RNMT: variants seen among roughly 807,000 people sequenced by gnomAD.
The protein encoded by RNMT is mRNA cap guanine-N(7) methyltransferase.
In RNMT, 27 loss-of-function variants were observed where a neutral mutation model predicts 56.0. That is an observed-to-expected ratio of 0.48 (90% CI 0.36 to 0.67). The LOEUF (loss-of-function observed/expected upper bound fraction) is 0.67. Ranked by LOEUF, RNMT falls within the 30% of genes least tolerant of loss-of-function variation. The pLI, the probability that RNMT is intolerant of heterozygous loss-of-function variation, is 0.00. For synonymous variants in RNMT, 184 were observed against 176.2 expected, an observed-to-expected ratio of 1.04 and a Z score of -0.35; for missense variants, 519 against 552.1, an observed-to-expected ratio of 0.94 and a Z score of 0.60.
intron 3 of RNMT, among the ~76,000 whole-genome samples, chr18:13,733,449 C>T (rs757954269): frequency 2.5e-4 from 38 of 152,118 alleles, no homozygotes; most frequent in Non-Finnish European, 4.4e-4. Flanking sequence ...CCGATCTCGG[C>T]TCACTGCAAC....
At chr18:13,744,999 A>G (rs1317560940) in intron 8 of RNMT, among the ~76,000 whole-genome samples, 2 of 152,210 alleles carry the variant, frequency 1.3e-5, no homozygotes, top group Non-Finnish European at 2.9e-5. Flanking sequence ...TAAAGGATGG[A>G]AAAGTAGGTG....
intron 9 of RNMT, among the ~76,000 whole-genome samples, chr18:13,751,560 G>A (rs1055329116): frequency 5.3e-5 from 8 of 152,198 alleles, no homozygotes; most frequent in African/African-American, 9.6e-5. Context: ...ACAATGTGGC[G>A]ATTCCTCAAG....
rs1219975879 is a variant in RNMT at position 13,752,378 on chromosome 18, A to G, written c.1310A>G (p.Tyr437Cys). Residue 437 changes from tyrosine (Y) to cysteine (C), a missense_variant, in exon 10 of 12, where the codon TAT (tyrosine) becomes TGT (cysteine). Tyr to Cys is a radical substitution (Grantham distance 194, BLOSUM62 -2). Transcript: ENST00000383314. ...SKLVSEKVDD[Y>C]EHAAKYMKNS... The stretch of plus-strand genomic sequence containing the variant: ...CTTGTCTCTGAGAAGGTGGATGACT[A>G]TGAACATGCAGCAAAGTACATGAAG... 3.7e-6 allele frequency: 6 copies of G among 1,613,472 alleles called. No individual in the cohort carries two copies. The highest frequency in any genetic ancestry group is 5.1e-6 in the Non-Finnish European group (6 of 1,179,484).
In RNMT at chr18:13,746,343, T is replaced by G; in HGVS notation, c.1257+6T>G. ...AACGAATGCAGGCCTTGGAGGTGAGTATTTAGAAAAGATGTACAAATTTCA... is the reference window on the plus strand; with the variant it reads ...AACGAATGCAGGCCTTGGAGGTGAGGATTTAGAAAAGATGTACAAATTTCA... On this transcript the variant is annotated splice_donor_region_variant and intron_variant, in intron 9 of 11. Coordinates refer to ENST00000383314, the MANE Select transcript of RNMT (RefSeq NM_003799.3). 9.2e-5 allele frequency: 120 copies of G among 1,305,120 alleles called. No homozygotes were observed. Among genetic ancestry groups the G allele is most frequent in the Non-Finnish European group, 1.2e-4 (108 of 912,290 alleles). 80.8% of individuals were successfully genotyped at this position (1,305,120 alleles called of 1,614,324 possible). A position where few individuals can be genotyped will look rare whatever the true frequency, so the allele number is the denominator to read the frequency against.
chr18:13,752,500 T>C, intron 10 of RNMT, 73 bp downstream of exon 10: 1 of 906,298 alleles, frequency 1.1e-6, no homozygotes, highest in Non-Finnish European at 1.7e-6. Context: ...ACATAGGAAA[T>C]GATTTCACTT....
intron 7 of RNMT, 134 bp from the exon 8 acceptor site, chr18:13,742,352 AAG>A: frequency 2.8e-6 from 2 of 706,170 alleles, no homozygotes; most frequent in Middle Eastern, 4.3e-4. Flanking sequence ...AAAAAAAAAA[AAG>A]GTAGCCCAGA....
intron 11 of RNMT, among the ~76,000 whole-genome samples, chr18:13,758,910 ATTG>A (rs776754341): frequency 2.6e-4 from 40 of 152,016 alleles, no homozygotes; most frequent in South Asian, 4.2e-4. Context: ...TTATTTCAAT[ATTG>A]TTGTATCTCC....
At position 13,731,754 on chromosome 18, in the gene RNMT, C is replaced by T. The variant is rs1292074916; in HGVS notation, c.237C>T (p.Ser79=). 1 of 1,612,824 alleles carries T rather than the reference C, an allele frequency of 6.2e-7. No individual in the cohort carries two copies. The highest frequency in any genetic ancestry group is 1.7e-5 in the Admixed American group (1 of 59,716). The change falls in exon 3 of 12, where the codon TCC becomes TCT. Residue 79 remains serine, a synonymous_variant. Transcript: ENST00000383314. The part of the protein sequence containing the change: ...ESSSCGKDTP[S]KKRKLDPEIV... ...CTAGTTGTGGGAAAGACACTCCATC[C>T]AAGAAGAGAAAACTTGATCCTGAAA...
At chr18:13,739,960 C>T (rs8097240) in intron 5 of RNMT, among the ~76,000 whole-genome samples, 38,563 of 151,982 alleles carry the variant, frequency 0.25, 5,627 homozygotes, top group Non-Finnish European at 0.34. Context: ...TTATAGCGTC[C>T]GTACCTATTG....
At chr18:13,726,961 TGGGAGAAGCAGC>T (rs2043966069) in intron 1 of RNMT, 1 of 151,774 alleles carries the variant, frequency 6.6e-6, no homozygotes, top group Admixed American at 6.6e-5. Context: ...CGAGCCCGGG[TGGGAGAAGCAGC>T]TCGAAGAGCT....
intron 8 of RNMT, 141 bp downstream of exon 8, chr18:13,742,793 T>TA (rs1452458231): frequency 2.5e-5 from 16 of 637,240 alleles, no homozygotes; most frequent in African/African-American, 1.5e-4. Flanking sequence ...TTTTGTGTTT[T>TA]TAAAAAAAAA....
At chr18:13,737,497 C>T (rs987923394) in intron 5 of RNMT, among the ~76,000 whole-genome samples, 1 of 151,714 alleles carries the variant, frequency 6.6e-6, no homozygotes, top group Non-Finnish European at 1.5e-5. Flanking sequence ...AAGACAAGAT[C>T]GCACCACTGC....
rs1361131369 is a variant in RNMT, at chr18:13,763,345, T to C, written c.*3366T>C. On this transcript the variant is annotated 3_prime_UTR_variant, in exon 12 of 12. Transcript: ENST00000383314. ...GTCAGTTCTTCCCTCCCTCTCGTGC[T>C]GCTCAGTTTGTCCTCTGCTCCCATG... 1 of 337,246 alleles carries C rather than the reference T, an allele frequency of 3.0e-6. No homozygotes were observed. Among genetic ancestry groups the C allele is most frequent in the African/African-American group, 2.1e-5 (1 of 46,738 alleles). 20.9% of individuals were successfully genotyped at this position (337,246 alleles called of 1,614,324 possible).
At chr18:13,752,182 A>AT (rs1346519750) in intron 9 of RNMT, 144 bp from the exon 10 acceptor site, 3 of 574,776 alleles carry the variant, frequency 5.2e-6, no homozygotes, top group African/African-American at 1.9e-5. Context: ...TTTTTTCTGT[A>AT]TTTCAAAAGT....
intron 8 of RNMT, chr18:13,742,913 A>G: frequency 2.7e-5 from 7 of 255,668 alleles, no homozygotes; most frequent in East Asian, 7.8e-5. Context: ...TGGGTGAAAA[A>G]GGGAACCAGT....
chr18:13,744,159 CTTTTTTTTTT>C lies in RNMT; in HGVS notation c.1139+1524_1139+1533del, dbSNP rs201093998. ...ATGCTAAACAAGACCTAGCGGTCTTCTTTTTTTTTTTTTTTTTTTTTTTTTTGACTTAAAT... is the reference window on the plus strand; with the variant it reads ...ATGCTAAACAAGACCTAGCGGTCTTCTTTTTTTTTTTTTTTTGACTTAAAT... On this transcript the variant is annotated intron_variant, in intron 8 of 11. Coordinates refer to ENST00000383314, the MANE Select transcript of RNMT (RefSeq NM_003799.3). Among the ~76,000 whole-genome samples, 89 of 91,428 alleles carry C rather than the reference CTTTTTTTTTT, an allele frequency of 9.7e-4. 3 individuals carry two copies. The highest frequency in any genetic ancestry group is 3.9e-3 in the African/African-American group (73 of 18,916). 60.0% of individuals were successfully genotyped at this position (91,428 alleles called of 152,430 possible). A position where few individuals can be genotyped will look rare whatever the true frequency, so the allele number is the denominator to read the frequency against.
chr18:13,748,919 A>C (rs1351347439), intron 9 of RNMT, among the ~76,000 whole-genome samples: 1 of 152,132 alleles, frequency 6.6e-6, no homozygotes, highest in African/African-American at 2.4e-5. Flanking sequence ...GTCTCTACTA[A>C]AAATACAAAA....
At chr18:13,738,026 G>C (rs1568502118) in intron 5 of RNMT, among the ~76,000 whole-genome samples, 1 of 151,704 alleles carries the variant, frequency 6.6e-6, no homozygotes, top group Non-Finnish European at 1.5e-5. Flanking sequence ...AATCACCTTA[G>C]CCCGGTGGTT....
chr18:13,736,898 A>G lies in RNMT; in HGVS notation c.554-112A>G, dbSNP rs575701463. 4.5e-5 allele frequency: 37 copies of G among 828,028 alleles called. No individual in the cohort carries two copies. In the African/African-American group the frequency reaches 6.0e-4, roughly 13 times the overall value. 51.3% of individuals were successfully genotyped at this position (828,028 alleles called of 1,614,324 possible). On this transcript the variant is annotated intron_variant, in intron 4 of 11. Transcript: ENST00000383314. ...TACAAATTACATAAATGGATGTGTA[A>G]TAGTTTATGTTACATATTGGGCAAA...
Sources: gnomAD v4.1 joint callset for allele counts (sites outside exome capture counted in the v4.1 genomes callset) on GRCh38, gnomAD v4.1.1 for gene constraint, MANE v1.5 for transcripts, NCBI Gene and HGNC (gene_info 2026-07-23, HGNC 2026-07-21) for gene names.